Variants in CACNA2D3 observed in about 807,000 individuals in gnomAD.
The protein encoded by CACNA2D3 is voltage-dependent calcium channel subunit alpha-2/delta-3.
A neutral mutation model predicts 160.6 loss-of-function variants in CACNA2D3; 60 were observed. The ratio of observed to expected loss-of-function variants is 0.37; its 90% CI spans 0.30 to 0.46. The LOEUF (loss-of-function observed/expected upper bound fraction) is 0.46, where lower values mean the gene tolerates loss of function less well. Among genes scored for constraint, CACNA2D3 ranks in the 20% least tolerant of loss-of-function variants. The pLI is 1.00. For synonymous variants in CACNA2D3, 558 were observed against 492.9 expected (o/e 1.13, Z -1.75); for missense variants, 1,205 against 1,365.0 (o/e 0.88, Z 1.85).
In CACNA2D3 at chr3:54,764,316, G is replaced by A; in HGVS notation, c.1345G>A (p.Asp449Asn). The change falls in exon 13 of 38, where the codon GAT becomes AAT. Residue 449 changes from aspartate (D) to asparagine (N), a missense_variant. By Grantham distance (23) the Asp-to-Asn change is conservative. This residue lies in a region of CACNA2D3 where 911 missense variants were observed against 1,002.2 expected (regional missense o/e 0.91). Transcript: ENST00000474759. ...GCCCAAAGTCATCGACCAGGAGCAT[G>A]ATGTGGTGTGGACCGAAGCTTACAT... ...SRPKVIDQEH[D>N]VVWTEAYIDS... 6.2e-7 allele frequency: 1 copy of A among 1,613,906 alleles called. No individual in the cohort carries two copies. Among genetic ancestry groups the A allele is most frequent in the Non-Finnish European group, 8.5e-7 (1 of 1,179,840 alleles).
chr3:54,265,641 AGT>A (rs1702493102), intron 2 of CACNA2D3, among the ~76,000 whole-genome samples: 1 of 147,230 alleles, frequency 6.8e-6, no homozygotes. Context: ...GTATATATAT[AGT>A]GTGTATATAT....
intron 4 of CACNA2D3, among the ~76,000 whole-genome samples, chr3:54,418,193 G>T (rs542799687): frequency 6.6e-6 from 1 of 152,292 alleles, no homozygotes; most frequent in African/African-American, 2.4e-5. Flanking sequence ...TTGCTGTCTA[G>T]TTGAAGATAT....
At chr3:54,302,663 A>G (rs1458769056) in intron 2 of CACNA2D3, among the ~76,000 whole-genome samples, 1 of 152,190 alleles carries the variant, frequency 6.6e-6, no homozygotes, top group Non-Finnish European at 1.5e-5. Context: ...CCAAAGTCTG[A>G]TGAGGAAACC....
intron 2 of CACNA2D3, among the ~76,000 whole-genome samples, chr3:54,196,165 A>G (rs1701076199): frequency 2.0e-5 from 3 of 152,242 alleles, no homozygotes; most frequent in Admixed American, 2.0e-4. Context: ...TTGTCTACTG[A>G]AATACGTATT....
chr3:54,503,724 G>C, intron 5 of CACNA2D3, 70 bp downstream of exon 5: 2 of 1,414,078 alleles, frequency 1.4e-6, no homozygotes, highest in Non-Finnish European at 2.0e-6. Flanking sequence ...GGGCTGGCTG[G>C]TTTGGGATAT....
chr3:54,754,994 G>T (rs1379271270), intron 12 of CACNA2D3, among the ~76,000 whole-genome samples: 1 of 152,132 alleles, frequency 6.6e-6, no homozygotes, highest in Admixed American at 6.6e-5. Flanking sequence ...AGTTTCTTCT[G>T]ACATGTCCAT....
intron 25 of CACNA2D3, chr3:54,894,496 T>TTA: frequency 2.2e-6 from 1 of 456,740 alleles, no homozygotes; most frequent in Admixed American, 2.3e-5. Flanking sequence ...ACTTCATACC[T>TTA]TCTAACCAAG....
intron 25 of CACNA2D3, among the ~76,000 whole-genome samples, chr3:54,892,849 T>C (rs1030810098): frequency 4.6e-5 from 7 of 152,212 alleles, no homozygotes; most frequent in African/African-American, 1.7e-4. Flanking sequence ...GTTATTGTGA[T>C]GGATTTAAAA....
At chr3:54,136,637 G>A (rs987959760) in intron 2 of CACNA2D3, among the ~76,000 whole-genome samples, 2 of 152,182 alleles carry the variant, frequency 1.3e-5, no homozygotes, top group Non-Finnish European at 2.9e-5. Flanking sequence ...GCACACATCC[G>A]GCTGTGTCAC....
chr3:54,174,074 G>A (rs935691945), intron 2 of CACNA2D3, among the ~76,000 whole-genome samples: 1 of 152,178 alleles, frequency 6.6e-6, no homozygotes, highest in Admixed American at 6.5e-5. Context: ...TTTAGGCTTT[G>A]CAACTCTATA....
intron 35 of CACNA2D3, among the ~76,000 whole-genome samples, chr3:55,051,370 G>A (rs992031140): frequency 1.4e-5 from 2 of 144,596 alleles, no homozygotes; most frequent in East Asian, 1.9e-4. Flanking sequence ...ACCGTGTGAG[G>A]TGTCAGTGTG....
At chr3:54,170,613 A>G (rs77181011) in intron 2 of CACNA2D3, among the ~76,000 whole-genome samples, 6,495 of 152,094 alleles carry the variant, frequency 0.043, 170 homozygotes, top group Admixed American at 0.086. Flanking sequence ...TTCCTCCCTG[A>G]CTACCTCCCT....
chr3:54,897,398 G>A (rs1320272804), intron 26 of CACNA2D3, among the ~76,000 whole-genome samples: 4 of 152,150 alleles, frequency 2.6e-5, no homozygotes, highest in East Asian at 1.9e-4. Flanking sequence ...TGATATGATA[G>A]TATAAAAAAT....
intron 3 of CACNA2D3, among the ~76,000 whole-genome samples, chr3:54,346,343 G>A (rs1331406884): frequency 6.6e-6 from 1 of 152,144 alleles, no homozygotes; most frequent in Admixed American, 6.5e-5. Context: ...TGTTGGAGTA[G>A]CCAGCATCCA....
intron 5 of CACNA2D3, among the ~76,000 whole-genome samples, chr3:54,516,989 G>A (rs1294291390): frequency 6.6e-6 from 1 of 152,202 alleles, no homozygotes; most frequent in African/African-American, 2.4e-5. Context: ...CCCTGCAGGA[G>A]TGGGAGCCCC....
chr3:54,934,625 G>T (rs746272848), intron 27 of CACNA2D3, among the ~76,000 whole-genome samples: 1 of 152,136 alleles, frequency 6.6e-6, no homozygotes, highest in Non-Finnish European at 1.5e-5. Context: ...CAGCATCCAC[G>T]TGTCCACAGA....
rs141402960 is a variant in CACNA2D3 at position 54,405,213 on chromosome 3, A to T, written c.381+18439A>T. On this transcript the variant is annotated intron_variant, in intron 4 of 37. Transcript: ENST00000474759. ...TGGCATTCTTCACATAAATGTAAAA[A>T]CCCTAAAATTTATGTGGAACCACAT... 5.5e-3 allele frequency among the ~76,000 whole-genome samples: 833 copies of T among 151,482 alleles called. 8 individuals are homozygous for T. The highest frequency in any genetic ancestry group is 0.019 in the African/African-American group (773 of 41,308).
At chr3:54,656,723 C>G (rs966237319) in intron 11 of CACNA2D3, among the ~76,000 whole-genome samples, 2 of 152,246 alleles carry the variant, frequency 1.3e-5, no homozygotes, top group African/African-American at 4.8e-5. Context: ...GCATGACTTC[C>G]CAATTCTCAG....
chr3:54,918,974 C>T, intron 27 of CACNA2D3: 1 of 1,174,044 alleles, frequency 8.5e-7, no homozygotes, highest in Non-Finnish European at 1.1e-6. Flanking sequence ...AAAACTTAGG[C>T]AGATGGAATT....
Sources: gnomAD v4.1 joint callset for allele counts (sites outside exome capture counted in the v4.1 genomes callset) on GRCh38, gnomAD v4.1.1 for gene constraint, gnomAD v4.1.1 regional missense constraint, MANE v1.5 for transcripts, NCBI Gene and HGNC (gene_info 2026-07-23, HGNC 2026-07-21) for gene names.